The following GNG7 variants were observed in gnomAD, a reference collection of about 807,000 sequenced individuals.
The protein encoded by GNG7 is G protein subunit gamma 7, also known as guanine nucleotide-binding protein G(I)/G(S)/G(O) subunit gamma-7.
In GNG7, 1 loss-of-function variant was observed where a neutral mutation model predicts 4.0. The observed-to-expected ratio is 0.25, with a 90% confidence interval of 0.09 to 1.18. GNG7 has a LOEUF of 1.18. Among genes scored for constraint, GNG7 ranks in the 50% most tolerant of loss-of-function variants. The pLI is 0.50. For missense variants in GNG7, 86 were observed against 91.9 expected, an observed-to-expected ratio of 0.94 and a Z score of 0.26; for synonymous variants, 34 against 36.9, an observed-to-expected ratio of 0.92 and a Z score of 0.29.
chr19:2,549,133 CCT>C (rs1483596184), intron 3 of GNG7, among the ~76,000 whole-genome samples: 1 of 152,142 alleles, frequency 6.6e-6, no homozygotes, highest in Non-Finnish European at 1.5e-5. Context: ...CGGAGAGAAC[CCT>C]GACTCCTGTG....
Position 2,513,653 on chromosome 19 carries a change from C to G in GNG7, c.*1369G>C, listed in dbSNP as rs555724105. On this transcript the variant is annotated 3_prime_UTR_variant, in exon 5 of 5. Coordinates refer to ENST00000382159, the MANE Select transcript of GNG7 (RefSeq NM_052847.3). ...GAAAAGCAAAAAGATCGGGTTCGAG[C>G]GACAGGGTAACGTTTTGAGCGGACG... The G allele has an allele frequency of 5.2e-5, 43 of 822,814 alleles. No individual in the cohort carries two copies. The highest frequency in any genetic ancestry group is 6.3e-4 in the Middle Eastern group (1 of 1,588). 51.0% of individuals were successfully genotyped at this position (822,814 alleles called of 1,614,324 possible).
At chr19:2,695,339 C>A (rs1402248046) in intron 1 of GNG7, among the ~76,000 whole-genome samples, 3 of 151,596 alleles carry the variant, frequency 2.0e-5, no homozygotes, top group Non-Finnish European at 4.4e-5. Context: ...CTAGAACACA[C>A]AGGCCCGAGG....
At chr19:2,580,073 A>G (rs565809493) in intron 2 of GNG7, among the ~76,000 whole-genome samples, 1 of 152,078 alleles carries the variant, frequency 6.6e-6, no homozygotes, top group Non-Finnish European at 1.5e-5. Flanking sequence ...CAGAGGACCC[A>G]CTCAATAAAC....
rs1304761778 is a variant in GNG7, at chr19:2,563,421, C to G, written c.-77-8233G>C. Among the ~76,000 whole-genome samples, 5 of 152,182 alleles carry G rather than the reference C, an allele frequency of 3.3e-5. No homozygotes were observed. In the East Asian group the frequency reaches 5.8e-4, roughly 18 times the overall value. On this transcript the variant is annotated intron_variant, in intron 2 of 4. Transcript: ENST00000382159. The stretch of plus-strand genomic sequence containing the variant: ...CCGTAGTCGTGACTACCAGAAATGT[C>G]CCCACATTCTACTCAGGATCCTAAG...
At chr19:2,606,466 C>G (rs1166414211) in intron 2 of GNG7, among the ~76,000 whole-genome samples, 1 of 151,528 alleles carries the variant, frequency 6.6e-6, no homozygotes. Flanking sequence ...ACCAGCCTGA[C>G]CAACATGGAG....
At chr19:2,603,067 C>T (rs539573119) in intron 2 of GNG7, among the ~76,000 whole-genome samples, 1 of 135,312 alleles carries the variant, frequency 7.4e-6, no homozygotes, top group East Asian at 2.1e-4. Flanking sequence ...CTTTTCTGTT[C>T]TGTTCTGTTC....
chr19:2,622,770 C>T (rs1981916426), intron 2 of GNG7, among the ~76,000 whole-genome samples: 1 of 151,286 alleles, frequency 6.6e-6, no homozygotes. Context: ...AGCAACGCGG[C>T]AGAGAGGGAG....
chr19:2,690,169 G>A (rs1913101926), intron 1 of GNG7, among the ~76,000 whole-genome samples: 1 of 151,982 alleles, frequency 6.6e-6, no homozygotes, highest in Non-Finnish European at 1.5e-5. Context: ...ATCACTTGAG[G>A]TCAGGAGTTC....
chr19:2,590,333 T>G (rs1421649484), intron 2 of GNG7, among the ~76,000 whole-genome samples: 1 of 152,170 alleles, frequency 6.6e-6, no homozygotes, highest in Non-Finnish European at 1.5e-5. Flanking sequence ...ACATAACAAT[T>G]TTCCATATCT....
At chr19:2,563,089 C>A (rs1046541321) in intron 2 of GNG7, among the ~76,000 whole-genome samples, 7 of 151,954 alleles carry the variant, frequency 4.6e-5, no homozygotes, top group African/African-American at 1.7e-4. Context: ...GGACTACAGG[C>A]GCCCACCACC....
intron 2 of GNG7, among the ~76,000 whole-genome samples, chr19:2,645,272 T>C (rs1231809277): frequency 2.0e-5 from 3 of 148,682 alleles, no homozygotes; most frequent in African/African-American, 5.0e-5. Context: ...GGAGTTTCGC[T>C]CTGTCACCCA....
chr19:2,676,411 T>C (rs1983593853), intron 1 of GNG7, among the ~76,000 whole-genome samples: 1 of 151,932 alleles, frequency 6.6e-6, no homozygotes, highest in Non-Finnish European at 1.5e-5. Context: ...TTGATTTCCA[T>C]CTAGAAGTGT....
intron 2 of GNG7, among the ~76,000 whole-genome samples, chr19:2,623,867 C>T (rs569598652): frequency 3.3e-5 from 5 of 152,004 alleles, no homozygotes; most frequent in Admixed American, 1.3e-4. Flanking sequence ...GGCCACAGAG[C>T]GAGACTGCAT....
At chr19:2,662,849 T>C (rs1297352232) in intron 1 of GNG7, among the ~76,000 whole-genome samples, 1 of 152,186 alleles carries the variant, frequency 6.6e-6, no homozygotes, top group African/African-American at 2.4e-5. Context: ...CCTCTCATCC[T>C]GCCTTGATCT....
chr19:2,579,314 G>T (rs1274999709), intron 2 of GNG7, among the ~76,000 whole-genome samples: 2 of 152,258 alleles, frequency 1.3e-5, no homozygotes, highest in Non-Finnish European at 2.9e-5. Flanking sequence ...TCCCGTCCGG[G>T]TCTCTGTGTC....
chr19:2,672,520 C>T lies in GNG7; in HGVS notation c.-134-26240G>A, dbSNP rs142392780. 2.1e-3 allele frequency among the ~76,000 whole-genome samples: 324 copies of T among 151,390 alleles called. 1 individual carries two copies. The highest frequency in any genetic ancestry group is 3.2e-3 in the African/African-American group (131 of 41,212). On this transcript the variant is annotated intron_variant, in intron 1 of 4. Coordinates refer to ENST00000382159, the MANE Select transcript of GNG7 (RefSeq NM_052847.3). ...GGAGTGCAGTGGTGCGATCTCAGCT[C>T]GCTGCAAACCCTGCCTCCCATGTTG... is the stretch of plus-strand genomic sequence containing the variant.
chr19:2,606,661 A>AT (rs1251993606), intron 2 of GNG7, among the ~76,000 whole-genome samples: 11 of 43,790 alleles, frequency 2.5e-4, no homozygotes, highest in Non-Finnish European at 4.4e-4. Flanking sequence ...GTCTCAAAAA[A>AT]AAATAATTAA....
rs145360037 is a variant in GNG7 at position 2,588,991 on chromosome 19, C to T, written c.-77-33803G>A. On this transcript the variant is annotated intron_variant, in intron 2 of 4. Coordinates refer to ENST00000382159, the MANE Select transcript of GNG7 (RefSeq NM_052847.3). ...TGACCCAGGCTGGAGTGTAATGGCG[C>T]GATCTTGGCTCACCACAACCTCCCC... Among the ~76,000 whole-genome samples the T allele has an allele frequency of 4.1e-3, 627 of 152,180 alleles. 4 individuals are homozygous for T. The highest frequency in any genetic ancestry group is 0.014 in the African/African-American group (599 of 41,522).
At chr19:2,658,147 C>T (rs117973537) in intron 1 of GNG7, among the ~76,000 whole-genome samples, 125 of 152,164 alleles carry the variant, frequency 8.2e-4, no homozygotes, top group Admixed American at 2.2e-3. Flanking sequence ...TTTATTTCTA[C>T]GATCTCTCGT....
Sources: gnomAD v4.1 joint callset for allele counts (sites outside exome capture counted in the v4.1 genomes callset) on GRCh38, gnomAD v4.1.1 for gene constraint, MANE v1.5 for transcripts, NCBI Gene and HGNC (gene_info 2026-07-23, HGNC 2026-07-21) for gene names.